The following PRKN variants were observed in gnomAD, a reference collection of about 807,000 sequenced individuals.
PRKN encodes the protein parkin RBR E3 ubiquitin protein ligase.
PRKN carries 56 observed loss-of-function variants against 59.5 expected under a neutral mutation model. That is an observed-to-expected ratio of 0.94 (90% CI 0.76 to 1.18). The LOEUF (loss-of-function observed/expected upper bound fraction) is 1.18. Ranked by LOEUF, PRKN falls within the 50% of genes most tolerant of loss-of-function variation. The pLI, the probability that PRKN is intolerant of heterozygous loss-of-function variation, is 0.00. For synonymous variants in PRKN, 250 were observed against 222.1 expected, an observed-to-expected ratio of 1.13 and a Z score of -1.12; for missense variants, 657 against 596.4, an observed-to-expected ratio of 1.10 and a Z score of -1.06.
chr6:162,017,708 A>G (rs1297186171), intron 5 of PRKN, among the ~76,000 whole-genome samples: 2 of 152,196 alleles, frequency 1.3e-5, no homozygotes, highest in East Asian at 1.9e-4. Flanking sequence ...ACAGTAAAAG[A>G]TCCCCTTGGG....
At chr6:161,650,874 T>A (rs1007116356) in intron 7 of PRKN, among the ~76,000 whole-genome samples, 1 of 152,174 alleles carries the variant, frequency 6.6e-6, no homozygotes, top group African/African-American at 2.4e-5. Flanking sequence ...TCTCATGATA[T>A]CCTCAGAGGA....
At chr6:161,531,638 T>C (rs556951809) in intron 9 of PRKN, among the ~76,000 whole-genome samples, 1 of 152,178 alleles carries the variant, frequency 6.6e-6, no homozygotes, top group South Asian at 2.1e-4. Context: ...TGAGTGGACA[T>C]AGATATATAC....
intron 5 of PRKN, among the ~76,000 whole-genome samples, chr6:162,024,232 C>T (rs1783331169): frequency 1.8e-5 from 2 of 111,468 alleles, no homozygotes; most frequent in Admixed American, 2.6e-4. Flanking sequence ...GAGTTTCACT[C>T]TGTTGCCCAG....
intron 4 of PRKN, among the ~76,000 whole-genome samples, chr6:162,198,311 G>A (rs73594284): frequency 0.04 from 6,154 of 152,070 alleles, 421 homozygotes; most frequent in African/African-American, 0.14. Context: ...CTGGGCCTGG[G>A]GAGCAGGGTG....
At chr6:161,796,192 A>G (rs889022171) in intron 6 of PRKN, among the ~76,000 whole-genome samples, 2 of 152,218 alleles carry the variant, frequency 1.3e-5, no homozygotes, top group South Asian at 2.1e-4. Flanking sequence ...CAGTCCTGGA[A>G]GATACCCATT....
chr6:162,270,582 T>C (rs770131589), intron 2 of PRKN: 2 of 152,196 alleles, frequency 1.3e-5, no homozygotes, highest in Non-Finnish European at 2.9e-5. Flanking sequence ...AGACTGAACA[T>C]TTCTGATTTT....
intron 2 of PRKN, among the ~76,000 whole-genome samples, chr6:162,390,442 A>G (rs1787121634): frequency 6.9e-6 from 1 of 145,140 alleles, no homozygotes; most frequent in South Asian, 2.2e-4. Flanking sequence ...ATATATATAT[A>G]TATATTTGGA....
At chr6:162,297,627 A>G (rs1051973658) in intron 2 of PRKN, among the ~76,000 whole-genome samples, 2 of 152,176 alleles carry the variant, frequency 1.3e-5, no homozygotes, top group African/African-American at 2.4e-5. Context: ...ACATGAACAC[A>G]TTTAATCTAT....
chr6:162,198,515 G>T (rs1784588439), intron 4 of PRKN, among the ~76,000 whole-genome samples: 1 of 151,578 alleles, frequency 6.6e-6, no homozygotes, highest in East Asian at 1.9e-4. Context: ...TAACAATAAA[G>T]AATTTTACAT....
At chr6:161,452,736 C>T (rs866536941) in intron 9 of PRKN, among the ~76,000 whole-genome samples, 3 of 152,178 alleles carry the variant, frequency 2.0e-5, no homozygotes, top group African/African-American at 2.4e-5. Flanking sequence ...AGCTGGGGTG[C>T]TGACTAGATT....
chr6:161,774,660 A>G (rs1789846212), intron 7 of PRKN, among the ~76,000 whole-genome samples: 1 of 152,164 alleles, frequency 6.6e-6, no homozygotes. Flanking sequence ...GTCCCTGGAT[A>G]ACGGAGTGGA....
chr6:162,139,790 G>A (rs1781701615), intron 4 of PRKN, among the ~76,000 whole-genome samples: 1 of 151,792 alleles, frequency 6.6e-6, no homozygotes, highest in Non-Finnish European at 1.5e-5. Flanking sequence ...GGTACCAGTT[G>A]ATCTGAAATG....
intron 4 of PRKN, among the ~76,000 whole-genome samples, chr6:162,104,138 T>C (rs1480573393): frequency 1.3e-5 from 2 of 152,172 alleles, no homozygotes; most frequent in African/African-American, 4.8e-5. Flanking sequence ...CTCAGTTTGT[T>C]TGTCTTGTGC....
At chr6:162,200,568 T>A (rs922134206) in intron 4 of PRKN, among the ~76,000 whole-genome samples, 2 of 152,174 alleles carry the variant, frequency 1.3e-5, no homozygotes, top group African/African-American at 4.8e-5. Context: ...AAAACCAACT[T>A]TGCGTCAGGG....
intron 5 of PRKN, among the ~76,000 whole-genome samples, chr6:162,039,824 T>C (rs1012458838): frequency 3.3e-5 from 5 of 152,184 alleles, no homozygotes; most frequent in Non-Finnish European, 5.9e-5. Context: ...CAGATGTATA[T>C]ATCAAAGTGT....
chr6:161,859,134 G>A (rs1038318135), intron 6 of PRKN, among the ~76,000 whole-genome samples: 2 of 151,460 alleles, frequency 1.3e-5, no homozygotes, highest in Non-Finnish European at 2.9e-5. Flanking sequence ...CTTCCAAAGT[G>A]CTGGGATTAC....
intron 4 of PRKN, among the ~76,000 whole-genome samples, chr6:162,113,528 G>C (rs1181570567): frequency 6.6e-6 from 1 of 152,168 alleles, no homozygotes; most frequent in Non-Finnish European, 1.5e-5. Context: ...AGAGGGATAT[G>C]TAGTACATGT....
chr6:161,808,714 C>A (rs941685310), intron 6 of PRKN, among the ~76,000 whole-genome samples: 2 of 151,740 alleles, frequency 1.3e-5, no homozygotes, highest in Admixed American at 1.3e-4. Flanking sequence ...TCAAACCATG[C>A]TCCTTATCTT....
chr6:162,151,576 G>A (rs2023050), intron 4 of PRKN, among the ~76,000 whole-genome samples: 148,707 of 152,292 alleles, frequency 0.98, 72,675 homozygotes, highest in Non-Finnish European at 1. Context: ...AGTTAGTGAC[G>A]ATTTATAATG....
Sources: gnomAD v4.1 joint callset for allele counts (sites outside exome capture counted in the v4.1 genomes callset) on GRCh38, gnomAD v4.1.1 for gene constraint, MANE v1.5 for transcripts, NCBI Gene and HGNC (gene_info 2026-07-23, HGNC 2026-07-21) for gene names.